The following NRXN3 variants were observed in gnomAD, a reference collection of about 807,000 sequenced individuals.
NRXN3 encodes the protein neurexin III.
A neutral mutation model predicts 137.6 loss-of-function variants in NRXN3; 32 were observed. That is an observed-to-expected ratio of 0.23 (90% CI 0.18 to 0.31). The LOEUF is 0.31. NRXN3 is among the 10% of genes least tolerant of loss of function. The probability of loss-of-function intolerance (pLI) is 1.00; values close to 1 mark genes in which losing one functional copy is unlikely to be tolerated. For synonymous variants in NRXN3, 798 were observed against 784.5 expected (o/e 1.02, Z -0.29); for missense variants, 1,574 against 2,062.5 (o/e 0.76, Z 4.59).
At chr14:79,029,856 T>A (rs1449622510) in intron 15 of NRXN3, among the ~76,000 whole-genome samples, 1 of 151,940 alleles carries the variant, frequency 6.6e-6, no homozygotes, top group Non-Finnish European at 1.5e-5. Flanking sequence ...GTTTATTTAT[T>A]TATTTATAAA....
At chr14:79,670,255 A>T (rs1341340401) in intron 17 of NRXN3, among the ~76,000 whole-genome samples, 1 of 151,992 alleles carries the variant, frequency 6.6e-6, no homozygotes, top group East Asian at 1.9e-4. Context: ...GTACCTTCTG[A>T]ACTCATCTAA....
chr14:79,555,424 A>G (rs894499941), intron 16 of NRXN3, among the ~76,000 whole-genome samples: 26 of 152,172 alleles, frequency 1.7e-4, no homozygotes, highest in African/African-American at 5.8e-4. Context: ...GTATGTGGGT[A>G]GCAGGCAATG....
chr14:79,846,842 G>A (rs1235711874), intron 20 of NRXN3, among the ~76,000 whole-genome samples: 1 of 152,062 alleles, frequency 6.6e-6, no homozygotes, highest in Admixed American at 6.6e-5. Context: ...TCATTCAAAT[G>A]TTTATTGAAT....
At chr14:78,311,412 A>G (rs1335480384) in intron 4 of NRXN3, among the ~76,000 whole-genome samples, 2 of 152,226 alleles carry the variant, frequency 1.3e-5, no homozygotes, top group African/African-American at 4.8e-5. Context: ...GGGAATCATT[A>G]GTCTCTTCCT....
intron 15 of NRXN3, among the ~76,000 whole-genome samples, chr14:79,255,084 C>A (rs2076406801): frequency 6.6e-6 from 1 of 152,200 alleles, no homozygotes; most frequent in South Asian, 2.1e-4. Context: ...AAAGACGACA[C>A]AATGACTTCT....
At chr14:78,523,920 C>T (rs914026259) in intron 4 of NRXN3, among the ~76,000 whole-genome samples, 21 of 148,356 alleles carry the variant, frequency 1.4e-4, no homozygotes, top group Non-Finnish European at 2.4e-4. Flanking sequence ...AGCTGGTAAA[C>T]AGTGGAGAAA....
intron 15 of NRXN3, among the ~76,000 whole-genome samples, chr14:79,079,047 C>T (rs2046447248): frequency 6.6e-6 from 1 of 152,176 alleles, no homozygotes; most frequent in African/African-American, 2.4e-5. Flanking sequence ...AGCAAGCCTG[C>T]TTTCTCCAGC....
intron 4 of NRXN3, among the ~76,000 whole-genome samples, chr14:78,304,515 G>T (rs911084919): frequency 6.6e-6 from 1 of 152,200 alleles, no homozygotes. Context: ...GGCTCACACA[G>T]AGGACTTCAG....
intron 6 of NRXN3, among the ~76,000 whole-genome samples, chr14:78,679,773 A>G (rs1325319566): frequency 6.6e-6 from 1 of 152,172 alleles, no homozygotes; most frequent in Non-Finnish European, 1.5e-5. Context: ...TAATTTATCA[A>G]ATAACCATGT....
At chr14:79,373,317 G>A (rs1324980552) in intron 15 of NRXN3, among the ~76,000 whole-genome samples, 2 of 151,916 alleles carry the variant, frequency 1.3e-5, no homozygotes, top group African/African-American at 4.8e-5. Context: ...TATGTTCTGG[G>A]GGGAAAAAAA....
intron 1 of NRXN3, among the ~76,000 whole-genome samples, chr14:78,191,816 T>C (rs1771206765): frequency 6.6e-6 from 1 of 152,182 alleles, no homozygotes; most frequent in Non-Finnish European, 1.5e-5. Flanking sequence ...ACCATGCCGA[T>C]GGGTCAGAGT....
intron 20 of NRXN3, among the ~76,000 whole-genome samples, chr14:79,841,834 T>C (rs1568423326): frequency 6.6e-6 from 1 of 152,248 alleles, no homozygotes. Context: ...AGAGAGTTTC[T>C]TAAGCCAGCT....
intron 15 of NRXN3, among the ~76,000 whole-genome samples, chr14:79,200,828 A>ATTTTT (rs56194422): frequency 3.4e-5 from 2 of 59,082 alleles, no homozygotes; most frequent in Admixed American, 2.7e-4. Context: ...TGTGAGCTGT[A>ATTTTT]TTTTTTTTTT....
chr14:78,296,565 G>A (rs1448544012), intron 3 of NRXN3, among the ~76,000 whole-genome samples: 1 of 152,122 alleles, frequency 6.6e-6, no homozygotes, highest in African/African-American at 2.4e-5. Flanking sequence ...AAAATGACTT[G>A]TTTTATCTTG....
intron 19 of NRXN3, among the ~76,000 whole-genome samples, chr14:79,780,598 G>T (rs1449731303): frequency 2.0e-5 from 3 of 152,074 alleles, no homozygotes; most frequent in Non-Finnish European, 4.4e-5. Flanking sequence ...GACAGAGCGA[G>T]ACTCTGTCCC....
chr14:79,066,083 A>G (rs1185230640), intron 15 of NRXN3, among the ~76,000 whole-genome samples: 1 of 152,038 alleles, frequency 6.6e-6, no homozygotes, highest in African/African-American at 2.4e-5. Flanking sequence ...CTAATTCCTG[A>G]ATGGTATTGC....
intron 15 of NRXN3, among the ~76,000 whole-genome samples, chr14:79,420,640 A>G (rs545602162): frequency 6.6e-6 from 1 of 152,280 alleles, no homozygotes; most frequent in African/African-American, 2.4e-5. Flanking sequence ...GTCATTTTAT[A>G]AAACCAAAAA....
At chr14:79,172,943 C>T (rs549616848) in intron 15 of NRXN3, among the ~76,000 whole-genome samples, 8 of 152,224 alleles carry the variant, frequency 5.3e-5, no homozygotes, top group African/African-American at 1.9e-4. Flanking sequence ...TTAATCACTT[C>T]CAAAGCTGTT....
intron 4 of NRXN3, among the ~76,000 whole-genome samples, chr14:78,460,170 T>G (rs547079102): frequency 2.6e-5 from 4 of 152,330 alleles, no homozygotes; most frequent in Admixed American, 2.0e-4. Flanking sequence ...GGGAGGGGTT[T>G]GGCGCTTCCA....
Sources: gnomAD v4.1 joint callset for allele counts (sites outside exome capture counted in the v4.1 genomes callset) on GRCh38, gnomAD v4.1.1 for gene constraint, MANE v1.5 for transcripts, NCBI Gene and HGNC (gene_info 2026-07-23, HGNC 2026-07-21) for gene names.